AACS: variants seen among roughly 807,000 people sequenced by gnomAD.
AACS encodes acetoacetate-CoA ligase.
In AACS, 69 loss-of-function variants were observed where a neutral mutation model predicts 83.1. The observed-to-expected ratio is 0.83, with a 90% CI of 0.68 to 1.01. The LOEUF (loss-of-function observed/expected upper bound fraction) is 1.01, where lower values mean the gene tolerates loss of function less well. Among genes scored for constraint, AACS ranks in the 50% least tolerant of loss-of-function variants. AACS has a pLI of 0.00. For synonymous variants in AACS, 333 were observed against 343.4 expected, an observed-to-expected ratio of 0.97 and a Z score of 0.33; for missense variants, 866 against 882.2, an observed-to-expected ratio of 0.98 and a Z score of 0.23.
intron 17 of AACS, chr12:125,139,035 CCCACCCCTCA>C (rs1424805283): frequency 6.6e-6 from 1 of 152,154 alleles, no homozygotes; most frequent in African/African-American, 2.4e-5. Context: ...GAGTGGGCTA[CCCACCCCTCA>C]CCACCCCGAG....
At chr12:125,090,017 A>G (rs1461463714) in intron 4 of AACS, among the ~76,000 whole-genome samples, 3 of 142,666 alleles carry the variant, frequency 2.1e-5, no homozygotes, top group Non-Finnish European at 4.5e-5. Context: ...CCATCCATCC[A>G]TCTGTCTATA....
intron 2 of AACS, among the ~76,000 whole-genome samples, chr12:125,074,737 T>C (rs565791306): frequency 4.0e-4 from 58 of 146,184 alleles, no homozygotes; most frequent in Middle Eastern, 3.5e-3. Flanking sequence ...CATCTTAGTA[T>C]ACTGCAACCT....
chr12:125,123,414 C>G (rs1487093341), intron 10 of AACS: 1 of 152,196 alleles, frequency 6.6e-6, no homozygotes, highest in Non-Finnish European at 1.5e-5. Flanking sequence ...GTGGGAGGAG[C>G]TAGTCTCCCT....
intron 3 of AACS, among the ~76,000 whole-genome samples, chr12:125,084,283 A>G (rs537983175): frequency 6.6e-6 from 1 of 151,872 alleles, no homozygotes; most frequent in Non-Finnish European, 1.5e-5. Context: ...GCACCACTGC[A>G]CACCAGCCTG....
At position 125,097,096 on chromosome 12, in the gene AACS, C is replaced by G. The variant is rs1418840365; in HGVS notation, c.570+5573C>G. On this transcript the variant is annotated intron_variant, in intron 5 of 17. Coordinates refer to ENST00000316519, the MANE Select transcript of AACS (RefSeq NM_023928.5). This position sits in a 1 kb window ranked among gnomAD's most constrained non-coding sequence, Gnocchi z 4.3. ...AGCATCAGACGCAAGGAGGGCTAGCCCTGGTGGCCTGCGGAGTAAATGCTG... is the reference window on the plus strand; with the variant it reads ...AGCATCAGACGCAAGGAGGGCTAGCGCTGGTGGCCTGCGGAGTAAATGCTG... Among the ~76,000 whole-genome samples the G allele has an allele frequency of 6.6e-6, 1 of 152,050 alleles. No individual in the cohort carries two copies. The highest frequency in any genetic ancestry group is 1.5e-5 in the Non-Finnish European group (1 of 67,992).
intron 14 of AACS, among the ~76,000 whole-genome samples, chr12:125,133,329 G>A (rs372525443): frequency 4.6e-4 from 70 of 152,308 alleles, no homozygotes; most frequent in African/African-American, 1.6e-3. Flanking sequence ...TGATCCCTTT[G>A]GTCCATCAGC....
chr12:125,115,002 G>A (rs1395171039), intron 9 of AACS, among the ~76,000 whole-genome samples: 1 of 152,160 alleles, frequency 6.6e-6, no homozygotes, highest in Non-Finnish European at 1.5e-5. Context: ...CTGCACTGTG[G>A]TGAGGGCTTC....
At chr12:125,082,006 G>A (rs1458617152) in intron 3 of AACS, among the ~76,000 whole-genome samples, 3 of 151,246 alleles carry the variant, frequency 2.0e-5, no homozygotes, top group Non-Finnish European at 4.4e-5. Context: ...CTCCCAAGTA[G>A]CTGGGATTAC....
intron 13 of AACS, 59 bp downstream of exon 13, chr12:125,128,333 C>T (rs1197715083): frequency 2.7e-5 from 40 of 1,455,322 alleles, no homozygotes; most frequent in Non-Finnish European, 3.2e-5. Context: ...AGTGTGGGAG[C>T]GTTCGGATGT....
intron 4 of AACS, among the ~76,000 whole-genome samples, chr12:125,087,798 C>T (rs956218412): frequency 1.3e-5 from 2 of 152,214 alleles, no homozygotes; most frequent in East Asian, 1.9e-4. Context: ...TGCCCCGCCT[C>T]CCCCTTGAGT....
At chr12:125,134,127 G>T in intron 15 of AACS, 55 bp downstream of exon 15, 2 of 1,581,746 alleles carry the variant, frequency 1.3e-6, no homozygotes, top group East Asian at 2.3e-5. Flanking sequence ...CCAGAGGCAT[G>T]GGGGTGGGAG....
intron 2 of AACS, among the ~76,000 whole-genome samples, chr12:125,075,235 A>G (rs543730043): frequency 2.0e-5 from 3 of 151,284 alleles, no homozygotes; most frequent in African/African-American, 7.3e-5. Flanking sequence ...AGCTTTCCAA[A>G]GTGCTGGGAT....
chr12:125,065,833 G>C, intron 1 of AACS, 116 bp downstream of exon 1: 3 of 1,363,848 alleles, frequency 2.2e-6, no homozygotes, highest in Non-Finnish European at 2.9e-6. Flanking sequence ...GCCACTTGAT[G>C]GCGGGGAGGC....
chr12:125,078,168 CT>C (rs1404518980), intron 3 of AACS: 1 of 456,188 alleles, frequency 2.2e-6, no homozygotes, highest in Non-Finnish European at 4.4e-6. Flanking sequence ...CAGGGCCTCC[CT>C]TCTGCCATCG....
rs150839618 is a variant in AACS, at chr12:125,130,597, A to G, written c.1549+1137A>G. ...TCTTTTCTGTCACTTTATTTGTCAC[A>G]TGTGCAAGGGTTCATGTGATAGATG... On this transcript the variant is annotated intron_variant, in intron 14 of 17. Coordinates refer to ENST00000316519, the MANE Select transcript of AACS (RefSeq NM_023928.5). This position sits in a 1 kb window ranked among gnomAD's most constrained non-coding sequence, Gnocchi z 4.9. Among the ~76,000 whole-genome samples the G allele has an allele frequency of 5.7e-3, 863 of 152,350 alleles. 4 individuals are homozygous for G. Among genetic ancestry groups the G allele is most frequent in the Non-Finnish European group, 9.3e-3 (635 of 68,026 alleles).
chr12:125,135,238 A>G (rs559265758), intron 16 of AACS, among the ~76,000 whole-genome samples: 3 of 151,604 alleles, frequency 2.0e-5, no homozygotes, highest in East Asian at 3.9e-4. Context: ...GGGATGATAG[A>G]CATGCACCAC....
At chr12:125,137,301 G>A (rs1224084574) in intron 17 of AACS, among the ~76,000 whole-genome samples, 1 of 152,196 alleles carries the variant, frequency 6.6e-6, no homozygotes, top group Middle Eastern at 3.2e-3. Context: ...AGCCTCCTGA[G>A]TTAACTGGTA....
At position 125,129,988 on chromosome 12, in the gene AACS, T is replaced by C. The variant is rs1957306728; in HGVS notation, c.1549+528T>C. ...CCCTTGGGTGTCGTCTTTTGAGTGG[T>C]GCCTTGCCCCAAAGCAGGGAAGTCT... is the stretch of plus-strand genomic sequence containing the variant. On this transcript the variant is annotated intron_variant, in intron 14 of 17. Transcript: ENST00000316519. The surrounding 1 kb of genome is among the most constrained non-coding windows in gnomAD (Gnocchi z 4.3). 6.6e-6 allele frequency among the ~76,000 whole-genome samples: 1 copy of C among 152,320 alleles called. No individual in the cohort carries two copies. Among genetic ancestry groups the C allele is most frequent in the South Asian group, 2.1e-4 (1 of 4,820 alleles).
chr12:125,107,000 C>G (rs367920830), intron 7 of AACS, 121 bp from the exon 8 acceptor site: 1 of 1,434,528 alleles, frequency 7.0e-7, no homozygotes, highest in Non-Finnish European at 9.5e-7. Flanking sequence ...TGGCCACCGT[C>G]CCCCTGGAAT....
Sources: gnomAD v4.1 joint callset for allele counts (sites outside exome capture counted in the v4.1 genomes callset) on GRCh38, gnomAD v4.1.1 for gene constraint, Gnocchi (gnomAD v3.1) non-coding constraint, MANE v1.5 for transcripts, NCBI Gene and HGNC (gene_info 2026-07-23, HGNC 2026-07-21) for gene names.